ZNF704: variants seen among roughly 807,000 people sequenced by gnomAD.
ZNF704 encodes the protein zinc finger protein 704.
A neutral mutation model predicts 44.7 loss-of-function variants in ZNF704; 10 were observed. That is an observed-to-expected ratio of 0.22 (90% CI 0.14 to 0.38). The LOEUF is 0.38. ZNF704 is among the 10% of genes least tolerant of loss of function. The pLI is 1.00. For missense variants in ZNF704, 390 were observed against 545.5 expected, an observed-to-expected ratio of 0.71 and a Z score of 2.84; for synonymous variants, 211 against 207.6, an observed-to-expected ratio of 1.02 and a Z score of -0.14.
At chr8:80,861,850 A>G (rs1219515926) in intron 1 of ZNF704, among the ~76,000 whole-genome samples, 1 of 151,944 alleles carries the variant, frequency 6.6e-6, no homozygotes. Context: ...AACATGTTTA[A>G]GACAGAGCTT....
At chr8:80,826,467 G>A (rs569307626) in intron 1 of ZNF704, among the ~76,000 whole-genome samples, 31 of 152,228 alleles carry the variant, frequency 2.0e-4, no homozygotes, top group African/African-American at 7.2e-4. Context: ...AGGAACAGAC[G>A]GATTCACAGG....
chr8:80,642,176 A>G (rs866911383), intron 8 of ZNF704, among the ~76,000 whole-genome samples: 2 of 152,158 alleles, frequency 1.3e-5, no homozygotes, highest in Non-Finnish European at 2.9e-5. Flanking sequence ...CTATATATAT[A>G]TTATGCATGA....
At chr8:80,774,387 A>G (rs1348318031) in intron 2 of ZNF704, among the ~76,000 whole-genome samples, 1 of 151,940 alleles carries the variant, frequency 6.6e-6, no homozygotes, top group Non-Finnish European at 1.5e-5. Flanking sequence ...TCTTTTTCTA[A>G]CTGGCTTTCT....
rs200518258 is a variant in ZNF704, at chr8:80,688,314, A to G, written c.326-856T>C. On this transcript the variant is annotated intron_variant, in intron 3 of 8. Coordinates refer to ENST00000327835, the MANE Select transcript of ZNF704 (RefSeq NM_001033723.3). ...AGAATCTAAGAGAAATAATTTCTGG[A>G]TAGTTATCTAAAGCCCCTTTCCATT... Among the ~76,000 whole-genome samples the G allele has an allele frequency of 5.9e-5, 9 of 152,334 alleles. No homozygotes were observed. In the East Asian group the frequency reaches 1.7e-3, roughly 29 times the overall value.
chr8:80,826,876 C>G (rs907916465), intron 1 of ZNF704, among the ~76,000 whole-genome samples: 34 of 152,168 alleles, frequency 2.2e-4, no homozygotes, highest in Admixed American at 1.7e-3. Context: ...ATTCAACAAC[C>G]CTTCATGCTA....
chr8:80,644,964 CG>C (rs1817804033), intron 7 of ZNF704: 3 of 1,151,450 alleles, frequency 2.6e-6, no homozygotes, highest in South Asian at 2.5e-5. Context: ...TAGTGGGTGC[CG>C]GAACAGCAAG....
At chr8:80,801,006 G>A (rs1057303767) in intron 2 of ZNF704, among the ~76,000 whole-genome samples, 2 of 152,112 alleles carry the variant, frequency 1.3e-5, no homozygotes, top group African/African-American at 4.8e-5. Flanking sequence ...AGCAGGTGTT[G>A]CAATCCTAGT....
intron 5 of ZNF704, among the ~76,000 whole-genome samples, chr8:80,667,121 C>T (rs1818207407): frequency 6.6e-6 from 1 of 152,124 alleles, no homozygotes; most frequent in Admixed American, 6.5e-5. Flanking sequence ...AGAAGTGACA[C>T]ACAGCTCTCA....
At chr8:80,837,325 C>T (rs1808599845) in intron 1 of ZNF704, among the ~76,000 whole-genome samples, 1 of 151,992 alleles carries the variant, frequency 6.6e-6, no homozygotes, top group Admixed American at 6.6e-5. Flanking sequence ...GGAATACAAG[C>T]CTTATTTTAT....
At chr8:80,851,135 A>G (rs1808855992) in intron 1 of ZNF704, among the ~76,000 whole-genome samples, 1 of 152,208 alleles carries the variant, frequency 6.6e-6, no homozygotes, top group Non-Finnish European at 1.5e-5. Context: ...CAATGGTAAC[A>G]CAGTGGTAAG....
At chr8:80,838,863 G>T (rs1008973815) in intron 1 of ZNF704, among the ~76,000 whole-genome samples, 2 of 151,696 alleles carry the variant, frequency 1.3e-5, no homozygotes, top group African/African-American at 4.8e-5. Context: ...GCAGACCCCA[G>T]TGGTGGCGGA....
At chr8:80,797,242 T>C (rs892165138) in intron 2 of ZNF704, among the ~76,000 whole-genome samples, 17 of 152,164 alleles carry the variant, frequency 1.1e-4, no homozygotes, top group African/African-American at 4.1e-4. Flanking sequence ...GGTAGCTTTA[T>C]AGTTCTGGGG....
intron 2 of ZNF704, among the ~76,000 whole-genome samples, chr8:80,723,529 C>G (rs945281304): frequency 6.6e-6 from 1 of 152,016 alleles, no homozygotes; most frequent in Non-Finnish European, 1.5e-5. Context: ...CAAAAAGAAA[C>G]AAGTAAAATT....
At chr8:80,822,910 T>C (rs1334964292) in intron 1 of ZNF704, among the ~76,000 whole-genome samples, 2 of 152,218 alleles carry the variant, frequency 1.3e-5, no homozygotes, top group African/African-American at 4.8e-5. Flanking sequence ...TGTTTTCTTG[T>C]AAATTTGTTT....
chr8:80,664,490 C>T (rs1255415439), intron 6 of ZNF704, among the ~76,000 whole-genome samples: 6 of 152,008 alleles, frequency 3.9e-5, no homozygotes, highest in Non-Finnish European at 8.8e-5. Flanking sequence ...AGGCTGGTCT[C>T]GAACTCCCGA....
chr8:80,720,173 A>T (rs1291056533), intron 2 of ZNF704, among the ~76,000 whole-genome samples: 1 of 152,140 alleles, frequency 6.6e-6, no homozygotes, highest in Non-Finnish European at 1.5e-5. Context: ...GACTCCTTGG[A>T]CATCAGCCTC....
intron 1 of ZNF704, among the ~76,000 whole-genome samples, chr8:80,854,556 T>C (rs752307984): frequency 6.6e-6 from 1 of 152,212 alleles, no homozygotes; most frequent in Non-Finnish European, 1.5e-5. Context: ...TTTCTTTAAG[T>C]AGCTACAAAT....
rs540850954 is a variant in ZNF704 at position 80,632,137 on chromosome 8, A to C, written c.*9229T>G. ...TAAGTCAAGGATGTAGAGAGAATTC[A>C]GAAGAAATAGATGAGCACCTTTGTT... On this transcript the variant is annotated 3_prime_UTR_variant, in exon 9 of 9. Coordinates refer to ENST00000327835, the MANE Select transcript of ZNF704 (RefSeq NM_001033723.3). 1 of 152,326 alleles carries C rather than the reference A, an allele frequency of 6.6e-6. No individual in the cohort carries two copies. The highest frequency in any genetic ancestry group is 6.5e-5 in the Admixed American group (1 of 15,296). 9.4% of individuals were successfully genotyped at this position (152,326 alleles called of 1,614,324 possible). A position where few individuals can be genotyped will look rare whatever the true frequency, so the allele number is the denominator to read the frequency against.
At chr8:80,741,678 T>C (rs1806759745) in intron 2 of ZNF704, among the ~76,000 whole-genome samples, 1 of 152,232 alleles carries the variant, frequency 6.6e-6, no homozygotes, top group African/African-American at 2.4e-5. Flanking sequence ...GCCACGTTTC[T>C]TCCAGACAAT....
Sources: gnomAD v4.1 joint callset for allele counts (sites outside exome capture counted in the v4.1 genomes callset) on GRCh38, gnomAD v4.1.1 for gene constraint, MANE v1.5 for transcripts, NCBI Gene and HGNC (gene_info 2026-07-23, HGNC 2026-07-21) for gene names.